The following SPDYA variants were observed in gnomAD, a reference collection of about 807,000 sequenced individuals.
The protein encoded by SPDYA is speedy protein A.
In SPDYA, 11 loss-of-function variants were observed where a neutral mutation model predicts 36.7. The observed-to-expected ratio is 0.30, with a 90% confidence interval of 0.19 to 0.50. The LOEUF is 0.50. Ranked by LOEUF, SPDYA falls within the 20% of genes least tolerant of loss-of-function variation. The pLI is 0.98. For missense variants in SPDYA, 287 were observed against 370.9 expected (o/e 0.77, Z 1.86); for synonymous variants, 115 against 118.7 (o/e 0.97, Z 0.20).
In SPDYA at chr2:28,822,399, C is replaced by A. The variant is rs777642524; in HGVS notation, c.369C>A (p.Phe123Leu). The A allele has an allele frequency of 2.0e-6, 3 of 1,527,682 alleles. No homozygotes were observed. The highest frequency in any genetic ancestry group is 2.8e-5 in the African/African-American group (2 of 72,126). The allele number at this position is 1,527,682 out of a possible 1,614,324, so 94.6% of individuals were successfully genotyped here. Residue 123 changes from phenylalanine to leucine, a missense_variant, in exon 5 of 8, where the codon TTC (phenylalanine) becomes TTA (leucine). Transcript: ENST00000334056. ...TAAGTGAGCATACCAGGATAAATTT[C>A]TTTATTGCTCTGTAAGTATACTTTC... Reference protein sequence around the residue: ...FTISEHTRINFFIALYLANTV... With the variant: ...FTISEHTRINLFIALYLANTV...
chr2:28,849,441 G>A (rs768020809), intron 7 of SPDYA, among the ~76,000 whole-genome samples: 21 of 152,150 alleles, frequency 1.4e-4, no homozygotes, highest in Non-Finnish European at 2.4e-4. Context: ...ACAGGTGCCC[G>A]CCACCACAAC....
intron 7 of SPDYA, among the ~76,000 whole-genome samples, chr2:28,845,395 C>T (rs758811319): frequency 8.6e-5 from 13 of 151,776 alleles, no homozygotes; most frequent in Non-Finnish European, 1.3e-4. Context: ...TGCACCTGGC[C>T]CAAATGCATT....
At position 28,850,329 on chromosome 2, in the gene SPDYA, T is replaced by A. The variant is rs1252989666; in HGVS notation, c.*388T>A. On this transcript the variant is annotated 3_prime_UTR_variant, in exon 8 of 8. Coordinates refer to ENST00000334056, the MANE Select transcript of SPDYA (RefSeq NM_182756.4). ...ATATGTTCTGAAAACATTACTCACC[T>A]GTATGACCAGGTTGCCAGTGTACTG... is the stretch of plus-strand genomic sequence containing the variant. 6.2e-7 allele frequency: 1 copy of A among 1,608,770 alleles called. No homozygotes were observed. The highest frequency in any genetic ancestry group is 8.5e-7 in the Non-Finnish European group (1 of 1,176,488).
intron 7 of SPDYA, chr2:28,840,930 GTTTTTTT>G (rs70956054): frequency 1.7e-4 from 19 of 114,646 alleles, no homozygotes; most frequent in Non-Finnish European, 2.6e-4. Context: ...TCCAAAACCA[GTTTTTTT>G]TTTTTTTTTT....
Position 28,847,308 on chromosome 2 carries a change from A to T in SPDYA, c.851-2542A>T, listed in dbSNP as rs559634581. On this transcript the variant is annotated intron_variant, in intron 7 of 7. Coordinates refer to ENST00000334056, the MANE Select transcript of SPDYA (RefSeq NM_182756.4). ...CAGTGAGCCAAGACCATGCCATTGC[A>T]CTCCAGTCTGGGCAACAGAGCGAGA... 4.3e-4 allele frequency among the ~76,000 whole-genome samples: 66 copies of T among 152,224 alleles called. No individual in the cohort carries two copies. The South Asian group carries it at 0.013, about 30-fold the overall frequency.
At chr2:28,847,212 G>T (rs554922308) in intron 7 of SPDYA, among the ~76,000 whole-genome samples, 1 of 151,922 alleles carries the variant, frequency 6.6e-6, no homozygotes, top group South Asian at 2.1e-4. Context: ...GCGTGGGAGC[G>T]TGTGTCTGTA....
Position 28,849,839 on chromosome 2 carries a change from T to C in SPDYA, c.851-11T>C. 1 of 1,467,234 alleles carries C rather than the reference T, an allele frequency of 6.8e-7. No homozygotes were observed. The highest frequency in any genetic ancestry group is 9.3e-7 in the Non-Finnish European group (1 of 1,071,488). 90.9% of individuals were successfully genotyped at this position (1,467,234 alleles called of 1,614,324 possible). A position where few individuals can be genotyped will look rare whatever the true frequency, so the allele number is the denominator to read the frequency against. On this transcript the variant is annotated splice_polypyrimidine_tract_variant and intron_variant, in intron 7 of 7. Transcript: ENST00000334056. ...CATAAAATTTATCTTAAAATGCATA[T>C]TTTATTTCAGTAGTCAATGACCATC...
chr2:28,846,985 A>G (rs1252742312), intron 7 of SPDYA, among the ~76,000 whole-genome samples: 1 of 152,224 alleles, frequency 6.6e-6, no homozygotes, highest in African/African-American at 2.4e-5. Context: ...AATGAATAAC[A>G]TAATTTCATT....
At chr2:28,838,945 C>G (rs1032330406) in intron 6 of SPDYA, among the ~76,000 whole-genome samples, 3 of 152,188 alleles carry the variant, frequency 2.0e-5, no homozygotes, top group African/African-American at 7.2e-5. Context: ...TTACAGTTCT[C>G]ATTTACTTTG....
chr2:28,819,062 CA>C lies in SPDYA; in HGVS notation c.252del (p.Asp85IlefsTer19). On this transcript the variant is annotated frameshift_variant, in exon 4 of 8. Coordinates refer to ENST00000334056, the MANE Select transcript of SPDYA (RefSeq NM_182756.4). LOFTEE classifies it high-confidence loss of function. ...FFKLFDDDLI[Q>X]DFLWMDCCCK... The stretch of plus-strand genomic sequence containing the variant: ...TTTTGTTGTAGATGACGATTTAATT[CA>C]AGATTTCTTGTGGATGGACTGCTGC... 1 of 1,611,002 alleles carries C rather than the reference CA, an allele frequency of 6.2e-7. No individual in the cohort carries two copies. Among genetic ancestry groups the C allele is most frequent in the Non-Finnish European group, 8.5e-7 (1 of 1,178,564 alleles).
chr2:28,849,097 A>C (rs1293203935), intron 7 of SPDYA, among the ~76,000 whole-genome samples: 3 of 152,128 alleles, frequency 2.0e-5, no homozygotes, highest in Non-Finnish European at 4.4e-5. Context: ...TCTATATTTA[A>C]ACAGAGACCT....
intron 7 of SPDYA, among the ~76,000 whole-genome samples, chr2:28,847,365 A>AACAC (rs1338952170): frequency 6.6e-6 from 1 of 151,550 alleles, no homozygotes; most frequent in Admixed American, 6.6e-5. Flanking sequence ...CAAACAAACA[A>AACAC]ACACTTCAGA....
chr2:28,836,758 C>T (rs934913891), intron 6 of SPDYA, among the ~76,000 whole-genome samples: 3 of 152,126 alleles, frequency 2.0e-5, no homozygotes, highest in Non-Finnish European at 1.5e-5. Flanking sequence ...ATATATAGGG[C>T]TTCTCCAGAA....
chr2:28,810,896 G>A lies in SPDYA; in HGVS notation c.-144G>A, dbSNP rs1006726031. The A allele has an allele frequency of 6.6e-6, 1 of 152,218 alleles. No homozygotes were observed. The highest frequency in any genetic ancestry group is 2.4e-5 in the African/African-American group (1 of 41,440). The allele number at this position is 152,218 out of a possible 1,614,324, so 9.4% of individuals were successfully genotyped here. A position where few individuals can be genotyped will look rare whatever the true frequency, so the allele number is the denominator to read the frequency against. On this transcript the variant is annotated 5_prime_UTR_variant, in exon 1 of 8. Coordinates refer to ENST00000334056, the MANE Select transcript of SPDYA (RefSeq NM_182756.4). Reference sequence around the variant, plus strand: ...CTGAGGCCAGGAGCGCTGCGACGGAGCCTTGACCGCCGTTGCCCGGCCCTC... The same window carrying A: ...CTGAGGCCAGGAGCGCTGCGACGGAACCTTGACCGCCGTTGCCCGGCCCTC...
rs1288961455 is a variant in SPDYA at position 28,819,810 on chromosome 2, C to A, written c.294+704C>A. ...GACCAGCCTTGGCAACATAGGGAGA[C>A]CTGGTCTCTTAAAAAAAAAAAAAAA... On this transcript the variant is annotated intron_variant, in intron 4 of 7. Coordinates refer to ENST00000334056, the MANE Select transcript of SPDYA (RefSeq NM_182756.4). 4.8e-5 allele frequency among the ~76,000 whole-genome samples: 5 copies of A among 103,382 alleles called. No individual in the cohort carries two copies. The Admixed American group carries it at 5.1e-4, about 10-fold the overall frequency. The allele number at this position is 103,382 out of a possible 152,430, so 67.8% of individuals were successfully genotyped here.
chr2:28,823,855 C>T (rs1337058112), intron 5 of SPDYA, among the ~76,000 whole-genome samples: 9 of 145,370 alleles, frequency 6.2e-5, no homozygotes, highest in Non-Finnish European at 1.1e-4. Flanking sequence ...AAGCAATTCT[C>T]CTGCCTCAGC....
At chr2:28,818,807 A>C (rs902892624) in intron 3 of SPDYA, among the ~76,000 whole-genome samples, 3 of 152,226 alleles carry the variant, frequency 2.0e-5, no homozygotes, top group Non-Finnish European at 4.4e-5. Context: ...CCATTCTCCA[A>C]TCTGAGCCAT....
At chr2:28,830,514 C>T (rs911534858) in intron 6 of SPDYA, among the ~76,000 whole-genome samples, 2 of 151,972 alleles carry the variant, frequency 1.3e-5, no homozygotes, top group Non-Finnish European at 1.5e-5. Flanking sequence ...ATAGTAAGTA[C>T]TTTTATTTTA....
chr2:28,823,139 A>G (rs913613395), intron 5 of SPDYA, among the ~76,000 whole-genome samples: 1 of 152,278 alleles, frequency 6.6e-6, no homozygotes, highest in South Asian at 2.1e-4. Flanking sequence ...ACCTATATCT[A>G]TAACATAGTC....
Sources: allele counts gnomAD v4.1 joint callset (sites outside exome capture counted in the v4.1 genomes callset), GRCh38; gene constraint gnomAD v4.1.1; transcripts MANE v1.5; gene names NCBI Gene and HGNC (gene_info 2026-07-23, HGNC 2026-07-21).